Variants in CLSPN observed in about 807,000 individuals in gnomAD.
CLSPN encodes the protein claspin homolog.
In CLSPN, 85 loss-of-function variants were observed where a neutral mutation model predicts 156.3. The ratio of observed to expected loss-of-function variants is 0.54; its 90% CI spans 0.46 to 0.65. The LOEUF (loss-of-function observed/expected upper bound fraction) is 0.65, where lower values mean the gene tolerates loss of function less well. CLSPN is among the 30% of genes least tolerant of loss of function. The pLI is 0.00. For missense variants in CLSPN, 1,407 were observed against 1,554.9 expected (o/e 0.90, Z 1.60); for synonymous variants, 534 against 542.4 (o/e 0.98, Z 0.22).
At chr1:35,761,975 CA>C in intron 6 of CLSPN, 22 bp downstream of exon 6, 1 of 1,580,728 alleles carries the variant, frequency 6.3e-7, no homozygotes, top group East Asian at 2.2e-5. Flanking sequence ...GATTTTGCCT[CA>C]AAGTTTACTG....
chr1:35,760,678 G>C lies in CLSPN; in HGVS notation c.1243C>G (p.Gln415Glu). Reference sequence around the variant, plus strand: ...CCAGGTGAAGGTCTAATGTCACTCTGCTTCTGTTTCTCCTGAATTTCTAGC... The same window carrying C: ...CCAGGTGAAGGTCTAATGTCACTCTCCTTCTGTTTCTCCTGAATTTCTAGC... The part of the protein sequence containing the change: ...EELEIQEKQK[Q>E]SDIRPSPGDS... Residue 415 changes from glutamine (Q) to glutamate (E), a missense_variant, in exon 8 of 25, where the codon CAG becomes GAG. By Grantham distance (29) the Gln-to-Glu change is conservative. Around this residue, in one of 3 missense-constraint regions of CLSPN, gnomAD observed 1,096 missense variants for 1,193.0 expected, o/e 0.92. Transcript: ENST00000318121. 1 of 1,614,132 alleles carries C rather than the reference G, an allele frequency of 6.2e-7. No individual in the cohort carries two copies. The highest frequency in any genetic ancestry group is 8.5e-7 in the Non-Finnish European group (1 of 1,180,024).
intron 3 of CLSPN, among the ~76,000 whole-genome samples, chr1:35,763,797 G>T (rs11264200): frequency 7.3e-4 from 101 of 139,086 alleles, no homozygotes; most frequent in East Asian, 2.0e-3. Context: ...TTTGGTTTTT[G>T]TTTTTTTTTT....
chr1:35,746,406 T>C lies in CLSPN; in HGVS notation c.2854+360A>G, dbSNP rs1641883160. On this transcript the variant is annotated intron_variant, in intron 15 of 24. Coordinates refer to ENST00000318121, the MANE Select transcript of CLSPN (RefSeq NM_022111.4). This position sits in a 1 kb window ranked among gnomAD's most constrained non-coding sequence, Gnocchi z 4.2. ...AGGGGCTTCTTTTCTTTCTTTCTTT[T>C]TTTCTATTTTTATGCAGGGTCTCTG... 2.0e-5 allele frequency among the ~76,000 whole-genome samples: 3 copies of C among 151,858 alleles called. No individual in the cohort carries two copies. The highest frequency in any genetic ancestry group is 2.9e-5 in the Non-Finnish European group (2 of 67,984).
rs752580566 is a variant in CLSPN, at chr1:35,751,376, TTCC to T, written c.1899_1901del (p.Glu637del). 324 of 1,611,572 alleles carry T rather than the reference TTCC, an allele frequency of 2.0e-4. 3 individuals are homozygous for T. Among genetic ancestry groups the T allele is most frequent in the South Asian group, 6.2e-4 (56 of 91,036 alleles). ...CAGACTCATCTGTCATTTCTTCCTCTTCCTCCTCCTCTTCCTCAAACCCATCTT... is the reference window on the plus strand; with the variant it reads ...CAGACTCATCTGTCATTTCTTCCTCTTCCTCCTCTTCCTCAAACCCATCTT... On this transcript the variant is annotated inframe_deletion, in exon 10 of 25. Transcript: ENST00000318121.
At chr1:35,765,906 G>T (rs1156866921) in intron 1 of CLSPN, among the ~76,000 whole-genome samples, 11 of 151,840 alleles carry the variant, frequency 7.2e-5, no homozygotes. Context: ...AGGGAATAGG[G>T]GAACATGTTG....
exon 25 of CLSPN, chr1:35,720,692 C>T (rs1440554134): frequency 5.6e-6 from 2 of 355,510 alleles, no homozygotes; most frequent in Non-Finnish European, 1.0e-5. Flanking sequence ...GTGATCCACC[C>T]ACCTCGGCCT....
At chr1:35,723,017 C>T (rs539663476) in intron 24 of CLSPN, among the ~76,000 whole-genome samples, 1 of 152,170 alleles carries the variant, frequency 6.6e-6, no homozygotes, top group Non-Finnish European at 1.5e-5. Context: ...ACACAGCAGT[C>T]CTGGTCACTC....
chr1:35,737,440 G>A lies in CLSPN; in HGVS notation c.3665-19C>T, dbSNP rs773902235. The A allele has an allele frequency of 6.3e-7, 1 of 1,593,718 alleles. No homozygotes were observed. Among genetic ancestry groups the A allele is most frequent in the Admixed American group, 1.7e-5 (1 of 59,928 alleles). On this transcript the variant is annotated intron_variant, in intron 22 of 24. Transcript: ENST00000318121. ...CGACTGGCTGGAAAGAAAAGACAGA[G>A]AGGCCTATTCTGGGAAAAGCTGATT...
At chr1:35,767,089 T>C (rs1186236083) in intron 1 of CLSPN, among the ~76,000 whole-genome samples, 2 of 152,198 alleles carry the variant, frequency 1.3e-5, no homozygotes, top group Admixed American at 6.5e-5. Flanking sequence ...TATATATGTA[T>C]GTATATCTTA....
At position 35,764,547 on chromosome 1, in the gene CLSPN, T is replaced by G; in HGVS notation, c.301A>C (p.Lys101Gln). Residue 101 changes from lysine to glutamine, a missense_variant, in exon 3 of 25, where the codon AAA becomes CAA. Lys to Gln is a moderately conservative substitution (Grantham distance 53). Around this residue, in one of 3 missense-constraint regions of CLSPN, gnomAD observed 1,096 missense variants for 1,193.0 expected, o/e 0.92. Coordinates refer to ENST00000318121, the MANE Select transcript of CLSPN (RefSeq NM_022111.4). ...TCTGCCACAGTTTTGTAAATCCTTT[T>G]GATTTTTGTATTTTTCCCAGCATAT... ...NLYAGKNTKI[K>Q]RIYKTVADSD... 1 of 1,613,950 alleles carries G rather than the reference T, an allele frequency of 6.2e-7. No homozygotes were observed. The highest frequency in any genetic ancestry group is 8.5e-7 in the Non-Finnish European group (1 of 1,179,990).
rs527530254 is a variant in CLSPN, at chr1:35,760,616, G to A, written c.1305C>T (p.Leu435=). Residue 435 remains leucine (L), a synonymous_variant, in exon 8 of 25, where the codon CTC becomes CTT. Transcript: ENST00000318121. ...SSVLQQESNF[L]GNNHSEECQV... ...GACATTCCTCACTGTGATTGTTCCC[G>A]AGGAAGTTGGATTCCTGTTGCAACA... is the stretch of plus-strand genomic sequence containing the variant. 15 of 1,614,154 alleles carry A rather than the reference G, an allele frequency of 9.3e-6. No individual in the cohort carries two copies. The highest frequency in any genetic ancestry group is 1.7e-5 in the Admixed American group (1 of 60,002).
At chr1:35,745,821 G>A (rs906978904) in intron 15 of CLSPN, among the ~76,000 whole-genome samples, 14 of 152,192 alleles carry the variant, frequency 9.2e-5, no homozygotes, top group African/African-American at 2.9e-4. Flanking sequence ...TGTGTGTATT[G>A]GGGGCAGGGA....
intron 13 of CLSPN, 57 bp downstream of exon 13, chr1:35,748,348 T>C (rs1641962037): frequency 2.6e-6 from 4 of 1,518,318 alleles, no homozygotes; most frequent in Admixed American, 1.7e-5. Context: ...ACAAACTTTA[T>C]TTAGCAATGT....
exon 25 of CLSPN, chr1:35,720,582 T>A (rs1641051877): frequency 6.2e-6 from 1 of 161,412 alleles, no homozygotes; most frequent in Non-Finnish European, 1.3e-5. Context: ...CCTGAGTAGC[T>A]GGGATTACAG....
rs1003458777 is a variant in CLSPN, at chr1:35,732,971, CTT to C, written c.*3523_*3524del. 622 of 772,474 alleles carry C rather than the reference CTT, an allele frequency of 8.1e-4. 3 individuals are homozygous for C. The African/African-American group carries it at 0.011, about 13-fold the overall frequency. 47.9% of individuals were successfully genotyped at this position (772,474 alleles called of 1,614,324 possible). A position where few individuals can be genotyped will look rare whatever the true frequency, so the allele number is the denominator to read the frequency against. On this transcript the variant is annotated 3_prime_UTR_variant, in exon 25 of 25. Transcript: ENST00000318121. The stretch of plus-strand genomic sequence containing the variant: ...CAATCAGAAACCATTTTCTTTCTTT[CTT>C]TTTTTTTTTGAGAGGGAGTCTCACT...
chr1:35,747,179 G>A lies in CLSPN; in HGVS notation c.2628-187C>T, dbSNP rs947003853. 6.6e-5 allele frequency among the ~76,000 whole-genome samples: 10 copies of A among 152,198 alleles called. No homozygotes were observed. In the South Asian group the frequency reaches 1.0e-3, roughly 16 times the overall value. On this transcript the variant is annotated intron_variant, in intron 14 of 24. Coordinates refer to ENST00000318121, the MANE Select transcript of CLSPN (RefSeq NM_022111.4). Reference sequence around the variant, plus strand: ...CTACTAAAAATACAAAAAATTAGCCGGGCGTGGTGGTGGGCGCCTGTAGTC... The same window carrying A: ...CTACTAAAAATACAAAAAATTAGCCAGGCGTGGTGGTGGGCGCCTGTAGTC...
chr1:35,749,882 C>T, intron 10 of CLSPN, 71 bp from the exon 11 acceptor site: 1 of 1,519,822 alleles, frequency 6.6e-7, no homozygotes, highest in Non-Finnish European at 8.8e-7. Context: ...CACTGGTAGC[C>T]TGAAATATGG....
chr1:35,726,809 A>G (rs534030375), intron 24 of CLSPN, among the ~76,000 whole-genome samples: 1 of 152,318 alleles, frequency 6.6e-6, no homozygotes, highest in Admixed American at 6.5e-5. Context: ...CAGTAGGAAG[A>G]CTGATTGGCC....
Position 35,739,490 on chromosome 1 carries a change from T to A in CLSPN, c.3183A>T (p.Ser1061=). 6.2e-7 allele frequency: 1 copy of A among 1,614,088 alleles called. No homozygotes were observed. The highest frequency in any genetic ancestry group is 8.5e-7 in the Non-Finnish European group (1 of 1,180,014). ...RKYLEDEAEV[S]GSDVGSEDEY... ...CATCTTCGCTTCCCACATCACTTCCTGACACCTCTGCCTCATCCTCCAGGT... is the reference window on the plus strand; with the variant it reads ...CATCTTCGCTTCCCACATCACTTCCAGACACCTCTGCCTCATCCTCCAGGT... Residue 1061 remains serine (S), a synonymous_variant, in exon 19 of 25, where the codon TCA becomes TCT. Transcript: ENST00000318121.
Sources: gnomAD v4.1 joint callset for allele counts (sites outside exome capture counted in the v4.1 genomes callset) on GRCh38, gnomAD v4.1.1 for gene constraint, gnomAD v4.1.1 regional missense constraint, Gnocchi (gnomAD v3.1) non-coding constraint, MANE v1.5 for transcripts, NCBI Gene and HGNC (gene_info 2026-07-23, HGNC 2026-07-21) for gene names.